The following FYCO1 variants were observed in gnomAD, a reference collection of about 807,000 sequenced individuals.
FYCO1 encodes the protein FYVE and coiled-coil domain-containing protein 1.
Under a neutral mutation model 165.1 loss-of-function variants are expected in FYCO1, and 122 were observed. That is an observed-to-expected ratio of 0.74 (90% CI 0.64 to 0.86). The LOEUF is 0.86. Among genes scored for constraint, FYCO1 ranks in the 40% least tolerant of loss-of-function variants. FYCO1 has a pLI of 0.00. For synonymous variants in FYCO1, 648 were observed against 742.5 expected, an observed-to-expected ratio of 0.87 and a Z score of 2.07; for missense variants, 1,702 against 1,810.3, an observed-to-expected ratio of 0.94 and a Z score of 1.09.
rs527878237 is a variant in FYCO1, at chr3:45,926,730, C to T, written c.4252-2965G>A. ...CCGTAATCTCAACACTTCGGGAGGC[C>T]GAGGTGGGTGGATCACCTGAGGTCA... On this transcript the variant is annotated intron_variant, in intron 16 of 17. Transcript: ENST00000296137. Among the ~76,000 whole-genome samples, 11 of 152,296 alleles carry T rather than the reference C, an allele frequency of 7.2e-5. No individual in the cohort carries two copies. The East Asian group carries it at 1.2e-3, about 16-fold the overall frequency.
At chr3:45,955,115 T>C in intron 14 of FYCO1, 134 bp downstream of exon 14, 1 of 1,069,026 alleles carries the variant, frequency 9.4e-7, no homozygotes. Flanking sequence ...TTCAAGGCCA[T>C]CGCAAGCACT....
rs1397536704 is a variant in FYCO1 at position 45,964,203 on chromosome 3, C to A, written c.3269+133G>T. The A allele has an allele frequency of 2.0e-5, 16 of 794,194 alleles. No individual in the cohort carries two copies. Among genetic ancestry groups the A allele is most frequent in the Non-Finnish European group, 3.6e-5 (16 of 450,140 alleles). The allele number at this position is 794,194 out of a possible 1,614,324, so 49.2% of individuals were successfully genotyped here. ...CTGTGGCATGCTTCCAGCAGAAGCACTTTCTGAGTTTGTGGCTTTTCTTGC... is the reference window on the plus strand; with the variant it reads ...CTGTGGCATGCTTCCAGCAGAAGCAATTTCTGAGTTTGTGGCTTTTCTTGC... On this transcript the variant is annotated intron_variant, in intron 10 of 17. Transcript: ENST00000296137. This position sits in a 1 kb window ranked among gnomAD's most constrained non-coding sequence, Gnocchi z 4.1.
At chr3:45,982,583 C>T (rs373316557) in intron 2 of FYCO1, among the ~76,000 whole-genome samples, 1 of 152,172 alleles carries the variant, frequency 6.6e-6, no homozygotes, top group East Asian at 1.9e-4. Flanking sequence ...GAGGGACTAT[C>T]GAGACACTGG....
rs1374139495 is a variant in FYCO1 at position 45,937,736 on chromosome 3, G to C, written c.3945-1193C>G. The stretch of plus-strand genomic sequence containing the variant: ...CAGGCTGCAGCACCTGCTGCCACCA[G>C]GGGCATGTCTTGTCACTCTGGCATT... On this transcript the variant is annotated intron_variant, in intron 14 of 17. Coordinates refer to ENST00000296137, the MANE Select transcript of FYCO1 (RefSeq NM_024513.4). Among the ~76,000 whole-genome samples the C allele has an allele frequency of 3.9e-5, 6 of 152,222 alleles. No homozygotes were observed. The East Asian group carries it at 1.2e-3, about 29-fold the overall frequency.
intron 14 of FYCO1, among the ~76,000 whole-genome samples, chr3:45,952,002 T>C (rs1326519437): frequency 6.6e-6 from 1 of 152,182 alleles, no homozygotes; most frequent in Non-Finnish European, 1.5e-5. Flanking sequence ...CTCTTCCAAA[T>C]GAATCTTAAG....
At chr3:45,975,401 G>C (rs115435184) in intron 4 of FYCO1, 56 bp from the exon 5 acceptor site, 79 of 1,321,754 alleles carry the variant, frequency 6.0e-5, no homozygotes, top group Non-Finnish European at 8.3e-5. Context: ...TCCAAATACA[G>C]ACCTGGTCTC....
intron 1 of FYCO1, among the ~76,000 whole-genome samples, chr3:45,991,431 G>A (rs1299109465): frequency 6.6e-6 from 1 of 152,182 alleles, no homozygotes; most frequent in Non-Finnish European, 1.5e-5. Context: ...GACCTCGATA[G>A]GGATAGGCCC....
In FYCO1 at chr3:45,962,372, T is replaced by G; in HGVS notation, c.3290A>C (p.Lys1097Thr). The G allele has an allele frequency of 6.2e-7, 1 of 1,614,176 alleles. No individual in the cohort carries two copies. Among genetic ancestry groups the G allele is most frequent in the Non-Finnish European group, 8.5e-7 (1 of 1,180,034 alleles). ...ATACTCTTGGATTTTTGTTGTGGCT[T>G]TTTCGAGTTCCTTCTGGGTCCTGGG... ...DLERTQKELE[K>T]ATTKIQEYYN... is the part of the protein sequence containing the mutation. Residue 1097 changes from lysine to threonine, a missense_variant, in exon 11 of 18, where the codon AAA (lysine) becomes ACA (threonine). Transcript: ENST00000296137. This position sits in a 1 kb window ranked among gnomAD's most constrained non-coding sequence, Gnocchi z 4.4.
In FYCO1 at chr3:45,955,231, G is replaced by A; in HGVS notation, c.3944+18C>T. ...GCCTGTAATGAGCACTCAGGAAATG[G>A]GGGTGACCTCTACTCACTGTTCAGC... On this transcript the variant is annotated intron_variant, in intron 14 of 17. Coordinates refer to ENST00000296137, the MANE Select transcript of FYCO1 (RefSeq NM_024513.4). 1 of 1,613,320 alleles carries A rather than the reference G, an allele frequency of 6.2e-7. No individual in the cohort carries two copies. Among genetic ancestry groups the A allele is most frequent in the Non-Finnish European group, 8.5e-7 (1 of 1,179,890 alleles).
At chr3:45,994,520 T>G (rs1332868010) in intron 1 of FYCO1, among the ~76,000 whole-genome samples, 10 of 152,128 alleles carry the variant, frequency 6.6e-5, no homozygotes, top group Admixed American at 2.6e-4. Context: ...TATGGGGCAT[T>G]CAATGCTTTC....
chr3:45,931,648 C>T (rs1173727766), intron 15 of FYCO1, among the ~76,000 whole-genome samples: 1 of 152,238 alleles, frequency 6.6e-6, no homozygotes, highest in African/African-American at 2.4e-5. Context: ...TTTTGCTGCT[C>T]TCCTGAAGAT....
Position 45,931,253 on chromosome 3 carries a change from T to A in FYCO1, c.4069A>T (p.Ile1357Phe). 6.2e-7 allele frequency: 1 copy of A among 1,613,854 alleles called. No homozygotes were observed. The highest frequency in any genetic ancestry group is 8.5e-7 in the Non-Finnish European group (1 of 1,179,932). ...CTGCTACCCTCCCCGAAGCTGGCGA[T>A]CTCATCCACTGTGAGGGGTACTTTG... Reference protein sequence around the residue: ...MIKVPLTVDEIASFGEGSREL... With the variant: ...MIKVPLTVDEFASFGEGSREL... Residue 1357 changes from isoleucine (I) to phenylalanine (F), a missense_variant, in exon 16 of 18, where the codon ATC (isoleucine) becomes TTC (phenylalanine). Physicochemically the swap from Ile to Phe is conservative, Grantham distance 21 (BLOSUM62 0). Coordinates refer to ENST00000296137, the MANE Select transcript of FYCO1 (RefSeq NM_024513.4).
chr3:45,939,987 G>C (rs1249584663), intron 14 of FYCO1, among the ~76,000 whole-genome samples: 1 of 152,242 alleles, frequency 6.6e-6, no homozygotes, highest in Non-Finnish European at 1.5e-5. Flanking sequence ...CACAGCAGAA[G>C]GCTCCACTGA....
At chr3:45,994,941 C>G (rs1261531374) in intron 1 of FYCO1, among the ~76,000 whole-genome samples, 1 of 152,088 alleles carries the variant, frequency 6.6e-6, no homozygotes, top group African/African-American at 2.4e-5. Context: ...TGAAGAGTGA[C>G]AGGGACATCA....
chr3:45,950,227 G>A (rs1156793059), intron 14 of FYCO1, among the ~76,000 whole-genome samples: 1 of 151,670 alleles, frequency 6.6e-6, no homozygotes, highest in Admixed American at 6.6e-5. Context: ...AGTCCATACT[G>A]CCTTGGTGTG....
rs779161542 is a variant in FYCO1, at chr3:45,966,381, C to A, written c.2953G>T (p.Ala985Ser). Residue 985 changes from alanine (A) to serine (S), a missense_variant, in exon 8 of 18, where the codon GCA becomes TCA. Coordinates refer to ENST00000296137, the MANE Select transcript of FYCO1 (RefSeq NM_024513.4). ...TGGAGGCTCTGGGCCCGCTGCTCTGCCTGGGCGAGCTGGGCCTGCAGGCCA... is the reference window on the plus strand; with the variant it reads ...TGGAGGCTCTGGGCCCGCTGCTCTGACTGGGCGAGCTGGGCCTGCAGGCCA... Reference protein sequence around the residue: ...LPGLQAQLAQAEQRAQSLQEA... With the variant: ...LPGLQAQLAQSEQRAQSLQEA... The A allele has an allele frequency of 6.2e-7, 1 of 1,614,074 alleles. No homozygotes were observed. Among genetic ancestry groups the A allele is most frequent in the South Asian group, 1.1e-5 (1 of 91,080 alleles).
Position 45,990,561 on chromosome 3 carries a change from A to G in FYCO1, c.-113+5161T>C, listed in dbSNP as rs150675568. On this transcript the variant is annotated intron_variant, in intron 1 of 17. Coordinates refer to ENST00000296137, the MANE Select transcript of FYCO1 (RefSeq NM_024513.4). ...AATGGTAATTTTTTGTTGAATCTCT[A>G]TTCTTTCCACTTGACTGTAAACTTC... is the stretch of plus-strand genomic sequence containing the variant. Among the ~76,000 whole-genome samples the G allele has an allele frequency of 8.0e-4, 122 of 152,178 alleles. 2 individuals carry two copies. The highest frequency in any genetic ancestry group is 2.8e-3 in the African/African-American group (118 of 41,530).
intron 13 of FYCO1, among the ~76,000 whole-genome samples, chr3:45,957,190 T>C (rs1399829465): frequency 1.3e-5 from 2 of 152,224 alleles, no homozygotes; most frequent in Non-Finnish European, 1.5e-5. Flanking sequence ...TTGAAATAAC[T>C]GGACAGCCAT....
At chr3:45,969,498 C>G (rs1706297255) in intron 7 of FYCO1, among the ~76,000 whole-genome samples, 177 bp downstream of exon 7, 1 of 152,134 alleles carries the variant, frequency 6.6e-6, no homozygotes, top group Admixed American at 6.5e-5. Context: ...TTAAGAGAGC[C>G]TAGATTCTAT....
Sources: gnomAD v4.1 joint callset for allele counts (sites outside exome capture counted in the v4.1 genomes callset) on GRCh38, gnomAD v4.1.1 for gene constraint, Gnocchi (gnomAD v3.1) non-coding constraint, MANE v1.5 for transcripts, NCBI Gene and HGNC (gene_info 2026-07-23, HGNC 2026-07-21) for gene names.